The following RASSF8 variants were observed in gnomAD, a reference collection of about 807,000 sequenced individuals.
The protein encoded by RASSF8 is Ras association domain family member 8.
A neutral mutation model predicts 48.5 loss-of-function variants in RASSF8; 22 were observed. That is an observed-to-expected ratio of 0.45 (90% CI 0.32 to 0.65). The LOEUF is 0.65. Among genes scored for constraint, RASSF8 ranks in the 30% least tolerant of loss-of-function variants. The probability of loss-of-function intolerance (pLI) is 0.03; values close to 1 mark genes in which losing one functional copy is unlikely to be tolerated. For missense variants in RASSF8, 418 were observed against 489.2 expected, an observed-to-expected ratio of 0.85 and a Z score of 1.37; for synonymous variants, 127 against 171.5, an observed-to-expected ratio of 0.74 and a Z score of 2.03.
In RASSF8 at chr12:26,064,678, G is replaced by A. The variant is rs778784310; in HGVS notation, c.284G>A (p.Arg95Gln). 27 of 1,613,984 alleles carry A rather than the reference G, an allele frequency of 1.7e-5. No homozygotes were observed. The highest frequency in any genetic ancestry group is 2.1e-5 in the Non-Finnish European group (25 of 1,179,978). ...SERPTSDSVA[R>Q]IPERTLYRQS... Reference sequence around the variant, plus strand: ...CGACCCACTTCAGACAGTGTGGCTCGAATTCCTGAAAGAACTTTATACAGG... The same window carrying A: ...CGACCCACTTCAGACAGTGTGGCTCAAATTCCTGAAAGAACTTTATACAGG... The change falls in exon 4 of 6, where the codon CGA (arginine) becomes CAA (glutamine). Residue 95 changes from arginine (R) to glutamine (Q), a missense_variant. Transcript: ENST00000689635.
At chr12:26,051,406 A>G (rs1222205270) in intron 2 of RASSF8, among the ~76,000 whole-genome samples, 1 of 152,186 alleles carries the variant, frequency 6.6e-6, no homozygotes, top group South Asian at 2.1e-4. Context: ...TATTCCTGTT[A>G]GTTTTTGGGG....
chr12:26,066,202 C>T (rs1385892257), intron 4 of RASSF8, among the ~76,000 whole-genome samples: 1 of 152,178 alleles, frequency 6.6e-6, no homozygotes, highest in Non-Finnish European at 1.5e-5. Flanking sequence ...AGACACAGAA[C>T]ATTTCCACCA....
intron 1 of RASSF8, among the ~76,000 whole-genome samples, chr12:25,968,920 A>G (rs777026119): frequency 3.9e-5 from 6 of 152,226 alleles, no homozygotes; most frequent in Non-Finnish European, 7.3e-5. Context: ...TGCTAATGTA[A>G]GCACATTTGA....
At position 26,068,948 on chromosome 12, in the gene RASSF8, C is replaced by A; in HGVS notation, c.*130C>A. On this transcript the variant is annotated 3_prime_UTR_variant, in exon 6 of 6. Transcript: ENST00000689635. ...TGTATGTTTTTTCTCTCCTAAATTG[C>A]ATACCACTTGGAGCCATACCCTGTG... 6.9e-7 allele frequency: 1 copy of A among 1,438,928 alleles called. No homozygotes were observed. The highest frequency in any genetic ancestry group is 1.4e-5 in the African/African-American group (1 of 70,226). 89.1% of individuals were successfully genotyped at this position (1,438,928 alleles called of 1,614,324 possible).
At chr12:26,011,224 C>T (rs909547282) in intron 2 of RASSF8, among the ~76,000 whole-genome samples, 1 of 152,126 alleles carries the variant, frequency 6.6e-6, no homozygotes, top group African/African-American at 2.4e-5. Flanking sequence ...TTGTGTTAGC[C>T]CCAGTTCTGC....
chr12:26,058,809 C>G (rs1011146726), intron 3 of RASSF8, among the ~76,000 whole-genome samples: 1 of 152,192 alleles, frequency 6.6e-6, no homozygotes, highest in Non-Finnish European at 1.5e-5. Context: ...CTTTTCTACA[C>G]TAATCTGACA....
At chr12:25,987,020 C>T (rs890189972) in intron 1 of RASSF8, among the ~76,000 whole-genome samples, 11 of 135,820 alleles carry the variant, frequency 8.1e-5, no homozygotes, top group South Asian at 2.2e-4. Context: ...ACCGCAACCT[C>T]GCCTCCCGGG....
intron 1 of RASSF8, among the ~76,000 whole-genome samples, chr12:25,977,186 A>G (rs899105291): frequency 2.0e-5 from 3 of 152,200 alleles, no homozygotes; most frequent in Non-Finnish European, 4.4e-5. Flanking sequence ...GCTTCCTTCC[A>G]TTAAGTCATT....
chr12:26,000,407 A>T (rs936326179), intron 2 of RASSF8, among the ~76,000 whole-genome samples: 2 of 152,206 alleles, frequency 1.3e-5, no homozygotes, highest in Admixed American at 1.3e-4. Context: ...AAATAATTTA[A>T]TTTTGCTTAT....
At position 26,070,097 on chromosome 12, in the gene RASSF8, T is replaced by A. The variant is rs2137334513; in HGVS notation, c.*1279T>A. The stretch of plus-strand genomic sequence containing the variant: ...CAGACACCACTTAGCCATTTTTACA[T>A]TCCCTCTGGTTAGATTTGGTACAGT... On this transcript the variant is annotated 3_prime_UTR_variant, in exon 6 of 6. Coordinates refer to ENST00000689635, the MANE Select transcript of RASSF8 (RefSeq NM_001394098.1). 2.0e-6 allele frequency: 2 copies of A among 978,760 alleles called. No individual in the cohort carries two copies. Among genetic ancestry groups the A allele is most frequent in the Non-Finnish European group, 2.4e-6 (2 of 823,872 alleles). The allele number at this position is 978,760 out of a possible 1,614,324, so 60.6% of individuals were successfully genotyped here.
At chr12:25,974,662 A>G (rs1361205150) in intron 1 of RASSF8, among the ~76,000 whole-genome samples, 1 of 152,184 alleles carries the variant, frequency 6.6e-6, no homozygotes, top group Non-Finnish European at 1.5e-5. Flanking sequence ...GATTTTTCAA[A>G]TTGAATAGGG....
At chr12:26,014,431 A>G (rs1942599533) in intron 2 of RASSF8, among the ~76,000 whole-genome samples, 1 of 152,208 alleles carries the variant, frequency 6.6e-6, no homozygotes, top group Non-Finnish European at 1.5e-5. Flanking sequence ...TTGGGAAATA[A>G]TAAATACGAT....
intron 2 of RASSF8, among the ~76,000 whole-genome samples, chr12:26,039,078 T>C (rs546942071): frequency 1.3e-5 from 2 of 152,270 alleles, no homozygotes; most frequent in African/African-American, 4.8e-5. Flanking sequence ...TTCCTTGTGA[T>C]TGGGAAAGGA....
chr12:26,073,794 ATG>A (rs1944043323), downstream of RASSF8, among the ~76,000 whole-genome samples: 3 of 135,530 alleles, frequency 2.2e-5, no homozygotes, highest in Admixed American at 7.6e-5. Flanking sequence ...TATACACATT[ATG>A]TATACACACA....
At chr12:26,026,222 T>G (rs1050552591) in intron 2 of RASSF8, among the ~76,000 whole-genome samples, 6 of 152,172 alleles carry the variant, frequency 3.9e-5, no homozygotes, top group African/African-American at 1.4e-4. Context: ...TGCAAATAAT[T>G]TGATAAGGAG....
At chr12:26,026,467 G>T (rs932932341) in intron 2 of RASSF8, among the ~76,000 whole-genome samples, 1 of 152,072 alleles carries the variant, frequency 6.6e-6, no homozygotes, top group Non-Finnish European at 1.5e-5. Context: ...ATGGAGTCTC[G>T]CTTTGTTGCT....
At position 26,071,894 on chromosome 12, in the gene RASSF8, G is replaced by T. The variant is rs1944008166; in HGVS notation, c.*3076G>T. 2.0e-6 allele frequency: 2 copies of T among 985,034 alleles called. No individual in the cohort carries two copies. Among genetic ancestry groups the T allele is most frequent in the Non-Finnish European group, 2.4e-6 (2 of 829,604 alleles). The allele number at this position is 985,034 out of a possible 1,614,324, so 61.0% of individuals were successfully genotyped here. ...GAACATGTAAGCACTTGCTTCCACA[G>T]CATAAATGTAATTTACATCTGCATT... On this transcript the variant is annotated 3_prime_UTR_variant, in exon 6 of 6. Coordinates refer to ENST00000689635, the MANE Select transcript of RASSF8 (RefSeq NM_001394098.1).
rs957935413 is a variant in RASSF8, at chr12:26,067,826, T to C, written c.1138+113T>C. On this transcript the variant is annotated intron_variant, in intron 5 of 5. Coordinates refer to ENST00000689635, the MANE Select transcript of RASSF8 (RefSeq NM_001394098.1). ...ATCGCCCAGGCTGGAATGCCAGGGG[T>C]ATTACCACGGCTTACTGCAGCCTCG... is the stretch of plus-strand genomic sequence containing the variant. The C allele has an allele frequency of 4.6e-5, 63 of 1,372,192 alleles. 1 individual carries two copies. The highest frequency in any genetic ancestry group is 2.0e-5 in the Admixed American group (1 of 50,834). 85.0% of individuals were successfully genotyped at this position (1,372,192 alleles called of 1,614,324 possible).
At chr12:25,967,843 C>G (rs996453691) in intron 1 of RASSF8, among the ~76,000 whole-genome samples, 1 of 152,210 alleles carries the variant, frequency 6.6e-6, no homozygotes, top group African/African-American at 2.4e-5. Context: ...TCTATCCAGG[C>G]AAGTAGCTCT....
Sources: gnomAD v4.1 joint callset for allele counts (sites outside exome capture counted in the v4.1 genomes callset) on GRCh38, gnomAD v4.1.1 for gene constraint, MANE v1.5 for transcripts, NCBI Gene and HGNC (gene_info 2026-07-23, HGNC 2026-07-21) for gene names.